The following SAMD12 variants were observed in gnomAD, a reference collection of about 807,000 sequenced individuals.
The protein encoded by SAMD12 is sterile alpha motif domain-containing protein 12.
A neutral mutation model predicts 15.0 loss-of-function variants in SAMD12; 9 were observed. That is an observed-to-expected ratio of 0.60 (90% CI 0.36 to 1.05). The LOEUF (loss-of-function observed/expected upper bound fraction) is 1.05. Ranked by LOEUF, SAMD12 falls within the 50% of genes least tolerant of loss-of-function variation. The pLI, the probability that SAMD12 is intolerant of heterozygous loss-of-function variation, is 0.01. For missense variants in SAMD12, 230 were observed against 234.2 expected, an observed-to-expected ratio of 0.98 and a Z score of 0.12; for synonymous variants, 86 against 90.1, an observed-to-expected ratio of 0.96 and a Z score of 0.25.
At chr8:118,474,591 T>C (rs957268680) in intron 2 of SAMD12, among the ~76,000 whole-genome samples, 23 of 152,010 alleles carry the variant, frequency 1.5e-4, no homozygotes, top group Non-Finnish European at 2.8e-4. Context: ...TTCACCATGT[T>C]GGTCAGGCTG....
chr8:118,390,229 T>G (rs949836395), intron 3 of SAMD12, among the ~76,000 whole-genome samples: 1 of 152,086 alleles, frequency 6.6e-6, no homozygotes, highest in East Asian at 1.9e-4. Context: ...AGGATGGTCT[T>G]GATCTCCTGA....
At chr8:118,291,460 G>C (rs1395660141) in intron 4 of SAMD12, 1 of 152,078 alleles carries the variant, frequency 6.6e-6, no homozygotes, top group Non-Finnish European at 1.5e-5. Context: ...GAATGACATG[G>C]AAAGTCAGTA....
At chr8:118,512,432 T>C (rs896305354) in intron 2 of SAMD12, among the ~76,000 whole-genome samples, 1 of 152,204 alleles carries the variant, frequency 6.6e-6, no homozygotes, top group African/African-American at 2.4e-5. Flanking sequence ...GAGTTACTTT[T>C]ATGACACTTA....
the SAMD12 span, among the ~76,000 whole-genome samples, chr8:118,171,460 A>C: frequency 6.6e-6 from 1 of 152,236 alleles, no homozygotes; most frequent in Admixed American, 6.5e-5. Flanking sequence ...TGAATGACTA[A>C]ACAAAATGCA....
intron 1 of SAMD12, among the ~76,000 whole-genome samples, chr8:118,617,368 T>C (rs1314608054): frequency 2.0e-5 from 3 of 152,256 alleles, no homozygotes; most frequent in Admixed American, 1.3e-4. Flanking sequence ...TTTGGTGATG[T>C]GTAGTTTCTT....
intron 2 of SAMD12, among the ~76,000 whole-genome samples, chr8:118,538,664 G>C (rs971648125): frequency 2.0e-5 from 3 of 152,186 alleles, no homozygotes; most frequent in Non-Finnish European, 4.4e-5. Context: ...ATTCAAGACT[G>C]TCTTTCCTGC....
chr8:118,213,602 A>G (rs536060492), intron 4 of SAMD12, among the ~76,000 whole-genome samples: 18 of 152,096 alleles, frequency 1.2e-4, no homozygotes, highest in Non-Finnish European at 2.6e-4. Flanking sequence ...AGCAAATAAT[A>G]ATTGTTGTTT....
chr8:118,264,240 T>C (rs894790690), intron 4 of SAMD12, among the ~76,000 whole-genome samples: 3 of 152,134 alleles, frequency 2.0e-5, no homozygotes, highest in Non-Finnish European at 4.4e-5. Context: ...AATACTCATA[T>C]ATCCTCCTCC....
At chr8:118,438,490 A>G (rs561904675) in intron 3 of SAMD12, among the ~76,000 whole-genome samples, 2 of 152,176 alleles carry the variant, frequency 1.3e-5, no homozygotes, top group Non-Finnish European at 2.9e-5. Context: ...CACAACAGAC[A>G]TGAAGGGAGT....
chr8:118,449,533 C>T (rs1031513172), intron 2 of SAMD12, among the ~76,000 whole-genome samples: 3 of 150,866 alleles, frequency 2.0e-5, no homozygotes, highest in South Asian at 4.3e-4. Context: ...GAAAATAGGC[C>T]GGGCGTGGTG....
intron 2 of SAMD12, among the ~76,000 whole-genome samples, chr8:118,459,147 C>T (rs1005165949): frequency 2.0e-5 from 3 of 152,036 alleles, no homozygotes; most frequent in Non-Finnish European, 4.4e-5. Flanking sequence ...CTCACTACAA[C>T]CTCCGCCTCC....
At chr8:118,147,159 G>A in the SAMD12 span, among the ~76,000 whole-genome samples, 196 of 151,814 alleles carry the variant, frequency 1.3e-3, 1 homozygote, top group African/African-American at 4.4e-3. Context: ...TGAGTAGCTG[G>A]GATTACAGGC....
chr8:118,547,707 A>G (rs1826172405), intron 2 of SAMD12, among the ~76,000 whole-genome samples: 2 of 152,130 alleles, frequency 1.3e-5, no homozygotes, highest in African/African-American at 2.4e-5. Flanking sequence ...TACATCCCAA[A>G]CTTTGGTCAT....
chr8:118,462,562 A>C (rs1363924202), intron 2 of SAMD12, among the ~76,000 whole-genome samples: 1 of 152,114 alleles, frequency 6.6e-6, no homozygotes, highest in East Asian at 1.9e-4. Context: ...TCATATATCC[A>C]TCCATCTGCT....
intron 2 of SAMD12, among the ~76,000 whole-genome samples, chr8:118,507,809 C>T (rs1018357921): frequency 2.0e-5 from 3 of 151,956 alleles, no homozygotes; most frequent in African/African-American, 7.3e-5. Flanking sequence ...TTTTTCTATA[C>T]ATGGGTTCTG....
intron 2 of SAMD12, among the ~76,000 whole-genome samples, chr8:118,479,945 A>AAAACTAT (rs989233030): frequency 1.3e-5 from 2 of 152,198 alleles, no homozygotes; most frequent in African/African-American, 4.8e-5. Context: ...GGCAAAGGAG[A>AAAACTAT]AAACTATAAA....
Position 118,552,858 on chromosome 8 carries a change from A to G in SAMD12, c.192+27857T>C, listed in dbSNP as rs1375269766. 1.3e-5 allele frequency among the ~76,000 whole-genome samples: 2 copies of G among 151,820 alleles called. 1 individual carries two copies. The highest frequency in any genetic ancestry group is 2.9e-5 in the Non-Finnish European group (2 of 67,802). On this transcript the variant is annotated intron_variant, in intron 2 of 3. Coordinates refer to ENST00000314727, the MANE Select transcript of SAMD12 (RefSeq NM_207506.3). ...TCTCAGGATACAAAATCAATGTACA[A>G]AAATCACAAGCATTCTTATACACCA...
At chr8:118,572,687 T>C (rs769159678) in intron 2 of SAMD12, among the ~76,000 whole-genome samples, 1 of 152,190 alleles carries the variant, frequency 6.6e-6, no homozygotes, top group Non-Finnish European at 1.5e-5. Context: ...CCTTCCACCA[T>C]GATTGGACTT....
At chr8:118,245,794 G>A (rs1373699005) in intron 4 of SAMD12, among the ~76,000 whole-genome samples, 1 of 152,120 alleles carries the variant, frequency 6.6e-6, no homozygotes, top group Non-Finnish European at 1.5e-5. Flanking sequence ...CCAGTTGTAA[G>A]GGAAGTCTCA....
Sources: allele counts gnomAD v4.1 joint callset (sites outside exome capture counted in the v4.1 genomes callset), GRCh38; gene constraint gnomAD v4.1.1; transcripts MANE v1.5; gene names NCBI Gene and HGNC (gene_info 2026-07-23, HGNC 2026-07-21).